Variants in SYCP2L observed in about 807,000 individuals in gnomAD.
SYCP2L encodes synaptonemal complex protein 2 like, also known as synaptonemal complex protein 2-like.
A neutral mutation model predicts 125.8 loss-of-function variants in SYCP2L; 98 were observed. That is an observed-to-expected ratio of 0.78 (90% CI 0.66 to 0.92). The LOEUF is 0.92. Among genes scored for constraint, SYCP2L ranks in the 40% least tolerant of loss-of-function variants. The pLI, the probability that SYCP2L is intolerant of heterozygous loss-of-function variation, is 0.00. For synonymous variants in SYCP2L, 317 were observed against 325.4 expected (o/e 0.97, Z 0.28); for missense variants, 842 against 936.4 (o/e 0.90, Z 1.32).
chr6:10,892,137 C>G (rs1291713689), intron 2 of SYCP2L, among the ~76,000 whole-genome samples: 1 of 152,158 alleles, frequency 6.6e-6, no homozygotes, highest in Non-Finnish European at 1.5e-5. Context: ...TGAAGTAGCC[C>G]AGGCCTAGAA....
rs572630292 is a variant in SYCP2L, at chr6:10,905,378, C to T, written c.642-642C>T. ...CACGCTCTCGGCTCACTGCAACCTC[C>T]GCCTCCCGGGTTCAAGAGATTCTCC... On this transcript the variant is annotated intron_variant, in intron 8 of 29. Transcript: ENST00000283141. 1.5e-4 allele frequency among the ~76,000 whole-genome samples: 23 copies of T among 151,718 alleles called. No homozygotes were observed. The South Asian group carries it at 4.2e-3, about 28-fold the overall frequency.
chr6:10,949,455 C>A (rs1781372034), intron 23 of SYCP2L, among the ~76,000 whole-genome samples: 1 of 152,160 alleles, frequency 6.6e-6, no homozygotes, highest in South Asian at 2.1e-4. Flanking sequence ...GTCAGAGAAA[C>A]ACAGTCTGTA....
At chr6:10,897,601 G>A (rs1046738424) in intron 4 of SYCP2L, among the ~76,000 whole-genome samples, 2 of 152,028 alleles carry the variant, frequency 1.3e-5, no homozygotes, top group South Asian at 2.1e-4. Context: ...TTGTAGAGAC[G>A]AAGTTTAACC....
Position 10,927,137 on chromosome 6 carries a change from C to T in SYCP2L, c.1313-103C>T. On this transcript the variant is annotated intron_variant, in intron 16 of 29. Transcript: ENST00000283141. ...GCAGGACCTAATTACCAGGTCTTAC[C>T]AAAGGATGGAGAGGTACCAGAGGGG... The T allele has an allele frequency of 2.0e-6, 3 of 1,508,168 alleles. 1 individual carries two copies. The South Asian group carries it at 4.1e-5, about 20-fold the overall frequency. The allele number at this position is 1,508,168 out of a possible 1,614,324, so 93.4% of individuals were successfully genotyped here.
At chr6:10,906,109 T>C (rs1780484282) in intron 9 of SYCP2L, 55 bp downstream of exon 9, 1 of 1,028,654 alleles carries the variant, frequency 9.7e-7, no homozygotes, top group Admixed American at 1.7e-5. Flanking sequence ...ACACTGGGGG[T>C]TTTATGAGCA....
At position 10,949,753 on chromosome 6, in the gene SYCP2L, TCA is replaced by T. The variant is rs1330921997; in HGVS notation, c.1955-5362_1955-5361del. 1.2e-4 allele frequency among the ~76,000 whole-genome samples: 18 copies of T among 150,212 alleles called. 1 individual carries two copies. The highest frequency in any genetic ancestry group is 4.4e-4 in the African/African-American group (18 of 41,332). ...TTTTTTTTTTGCCATTCTTTTACTT[TCA>T]GTCTTTTTTTCATCCTTGTGAATTG... On this transcript the variant is annotated intron_variant, in intron 23 of 29. Transcript: ENST00000283141.
In SYCP2L at chr6:10,891,592, A is replaced by G; in HGVS notation, c.78+11A>G. ...GATGATGCTTTCTGGGTAAAGATCA[A>G]GTTTCTTTTATAATCTCTCTCTGTG... On this transcript the variant is annotated intron_variant, in intron 2 of 29. Transcript: ENST00000283141. 2 of 1,505,824 alleles carry G rather than the reference A, an allele frequency of 1.3e-6. No homozygotes were observed. The highest frequency in any genetic ancestry group is 1.8e-6 in the Non-Finnish European group (2 of 1,085,874). 93.3% of individuals were successfully genotyped at this position (1,505,824 alleles called of 1,614,324 possible).
intron 18 of SYCP2L, among the ~76,000 whole-genome samples, chr6:10,929,397 TG>T (rs1780953170): frequency 6.6e-6 from 1 of 152,118 alleles, no homozygotes; most frequent in Non-Finnish European, 1.5e-5. Context: ...CAGGAGGGCT[TG>T]AGGACTGGGC....
At position 10,942,693 on chromosome 6, in the gene SYCP2L, C is replaced by T. The variant is rs778533640; in HGVS notation, c.1901C>T (p.Ser634Leu). The T allele has an allele frequency of 6.2e-6, 10 of 1,613,088 alleles. No homozygotes were observed. The South Asian group carries it at 1.1e-4, about 18-fold the overall frequency. Residue 634 changes from serine to leucine, a missense_variant, in exon 23 of 30, where the codon TCA becomes TTA. Transcript: ENST00000283141. ...GTTTTTAAGATTGTGAACCAAGAATCACTAACAGAAAGTACTAGCTTGAAA... is the reference window on the plus strand; with the variant it reads ...GTTTTTAAGATTGTGAACCAAGAATTACTAACAGAAAGTACTAGCTTGAAA... ...EEKPKIVNQE[S>L]LTESTSLKHK... is the part of the protein sequence containing the mutation.
chr6:10,938,429 G>T (rs1329269509), intron 21 of SYCP2L, among the ~76,000 whole-genome samples: 3 of 152,172 alleles, frequency 2.0e-5, no homozygotes, highest in Non-Finnish European at 4.4e-5. Flanking sequence ...GGCCATATAT[G>T]ACAAGCCCAG....
chr6:10,888,845 C>T (rs777321812), intron 1 of SYCP2L, among the ~76,000 whole-genome samples: 2 of 152,074 alleles, frequency 1.3e-5, no homozygotes, highest in South Asian at 2.1e-4. Flanking sequence ...TATTTGATGT[C>T]AGTTTATGCT....
At chr6:10,964,496 TA>T (rs1781646289) in intron 29 of SYCP2L, among the ~76,000 whole-genome samples, 1 of 152,198 alleles carries the variant, frequency 6.6e-6, no homozygotes, top group South Asian at 2.1e-4. Flanking sequence ...ATCCTTAATC[TA>T]AAAATCTGAA....
chr6:10,914,367 C>T (rs1306927320), intron 14 of SYCP2L, among the ~76,000 whole-genome samples: 2 of 152,128 alleles, frequency 1.3e-5, no homozygotes, highest in Non-Finnish European at 2.9e-5. Context: ...GTCTATGTGC[C>T]TATTTTTATA....
chr6:10,900,559 G>T (rs1780359525), intron 6 of SYCP2L, among the ~76,000 whole-genome samples: 1 of 151,996 alleles, frequency 6.6e-6, no homozygotes, highest in Admixed American at 6.6e-5. Flanking sequence ...CACTATTTTG[G>T]CCAGGCTGGT....
At chr6:10,908,938 T>C (rs946329775) in intron 10 of SYCP2L, among the ~76,000 whole-genome samples, 3 of 152,126 alleles carry the variant, frequency 2.0e-5, no homozygotes, top group African/African-American at 7.2e-5. Context: ...CCTCAAAGTC[T>C]TGAGAACTCA....
intron 20 of SYCP2L, among the ~76,000 whole-genome samples, chr6:10,932,336 G>T (rs12199131): frequency 6.6e-6 from 1 of 151,950 alleles, no homozygotes; most frequent in Non-Finnish European, 1.5e-5. Context: ...AACTTTTGCC[G>T]TTTATTCACT....
At chr6:10,909,714 T>C (rs2113317063) in intron 10 of SYCP2L, among the ~76,000 whole-genome samples, 1 of 152,322 alleles carries the variant, frequency 6.6e-6, no homozygotes, top group Non-Finnish European at 1.5e-5. Context: ...CCGTAGATAA[T>C]ACACCCAGAT....
chr6:10,941,391 G>A (rs1309586029), intron 21 of SYCP2L, among the ~76,000 whole-genome samples: 2 of 152,114 alleles, frequency 1.3e-5, no homozygotes, highest in Non-Finnish European at 2.9e-5. Flanking sequence ...GAAAATTTTT[G>A]CCATCTACTC....
Position 10,912,809 on chromosome 6 carries a change from C to G in SYCP2L, c.1011+44C>G. The G allele has an allele frequency of 6.2e-7, 1 of 1,607,970 alleles. No homozygotes were observed. The highest frequency in any genetic ancestry group is 8.5e-7 in the Non-Finnish European group (1 of 1,175,148). ...TGGTTAGAACTAAGCCTTTAGAGAT[C>G]TTTTTTATGTAAGTATGTGTTTTGC... is the stretch of plus-strand genomic sequence containing the variant. On this transcript the variant is annotated intron_variant, in intron 13 of 29. Transcript: ENST00000283141. The surrounding 1 kb of genome is among the most constrained non-coding windows in gnomAD (Gnocchi z 4.1).
Sources: gnomAD v4.1 joint callset for allele counts (sites outside exome capture counted in the v4.1 genomes callset) on GRCh38, gnomAD v4.1.1 for gene constraint, Gnocchi (gnomAD v3.1) non-coding constraint, MANE v1.5 for transcripts, NCBI Gene and HGNC (gene_info 2026-07-23, HGNC 2026-07-21) for gene names.